The following CDCP1 variants were observed in gnomAD, a reference collection of about 807,000 sequenced individuals.
CDCP1 encodes CUB domain-containing protein 1.
Under a neutral mutation model 60.2 loss-of-function variants are expected in CDCP1, and 29 were observed. The ratio of observed to expected loss-of-function variants is 0.48; its 90% confidence interval spans 0.36 to 0.66. The LOEUF (loss-of-function observed/expected upper bound fraction) is 0.66. Ranked by LOEUF, CDCP1 falls within the 30% of genes least tolerant of loss-of-function variation. The pLI, the probability that CDCP1 is intolerant of heterozygous loss-of-function variation, is 0.00. For synonymous variants in CDCP1, 387 were observed against 431.1 expected (o/e 0.90, Z 1.27); for missense variants, 876 against 1,074.3 (o/e 0.82, Z 2.58).
At chr3:45,146,056 C>G (rs1163778949) in intron 1 of CDCP1, 150 bp downstream of exon 1, 2 of 682,232 alleles carry the variant, frequency 2.9e-6, no homozygotes, top group Admixed American at 7.5e-5. Flanking sequence ...CCCGGAGCCA[C>G]CCGCGCATTT....
At chr3:45,118,701 C>G (rs1411474874) in intron 1 of CDCP1, 80 bp from the exon 2 acceptor site, 1 of 1,115,594 alleles carries the variant, frequency 9.0e-7, no homozygotes, top group African/African-American at 1.5e-5. Flanking sequence ...CAATCTGGTT[C>G]AGAGAGGATG....
intron 1 of CDCP1, among the ~76,000 whole-genome samples, chr3:45,128,605 T>C (rs1699039083): frequency 6.6e-6 from 1 of 152,244 alleles, no homozygotes; most frequent in African/African-American, 2.4e-5. Flanking sequence ...ATCCAACTTG[T>C]TGGAACAGTT....
At chr3:45,102,112 C>A (rs1322382188) in intron 4 of CDCP1, among the ~76,000 whole-genome samples, 1 of 151,878 alleles carries the variant, frequency 6.6e-6, no homozygotes, top group Non-Finnish European at 1.5e-5. Context: ...TGCTCTATTA[C>A]CCAGGCTGGA....
intron 5 of CDCP1, among the ~76,000 whole-genome samples, chr3:45,095,089 A>G (rs1194450124): frequency 6.6e-6 from 1 of 152,076 alleles, no homozygotes; most frequent in Non-Finnish European, 1.5e-5. Flanking sequence ...GCCTGCCACC[A>G]TGCCCAGCTA....
chr3:45,126,152 T>TTCTTTC (rs1698988202), intron 1 of CDCP1, among the ~76,000 whole-genome samples: 2 of 143,852 alleles, frequency 1.4e-5, no homozygotes, highest in Non-Finnish European at 3.0e-5. Flanking sequence ...CTTTCTTTCT[T>TTCTTTC]TCTTTCTTTC....
rs974366199 is a variant in CDCP1 at position 45,091,649 on chromosome 3, C to T, written c.1628-111G>A. 3.6e-5 allele frequency: 48 copies of T among 1,320,058 alleles called. 1 individual carries two copies. The highest frequency in any genetic ancestry group is 2.3e-4 in the Middle Eastern group (1 of 4,388). The allele number at this position is 1,320,058 out of a possible 1,614,324, so 81.8% of individuals were successfully genotyped here. A position where few individuals can be genotyped will look rare whatever the true frequency, so the allele number is the denominator to read the frequency against. On this transcript the variant is annotated intron_variant, in intron 6 of 8. Coordinates refer to ENST00000296129, the MANE Select transcript of CDCP1 (RefSeq NM_022842.5). This position sits in a 1 kb window ranked among gnomAD's most constrained non-coding sequence, Gnocchi z 4.8. ...ACTGTCCAGACCAGCGCTGTCTAAC[C>T]GAACTTTCTGCGATGATGGAAATCT...
At position 45,108,647 on chromosome 3, in the gene CDCP1, T is replaced by C. The variant is rs566306802; in HGVS notation, c.1024+1826A>G. ...TTGTACAGTTGTGACAGTGGAATCA[T>C]AAAAATGTCTCAATGGATACACACA... On this transcript the variant is annotated intron_variant, in intron 4 of 8. Coordinates refer to ENST00000296129, the MANE Select transcript of CDCP1 (RefSeq NM_022842.5). Among the ~76,000 whole-genome samples, 381 of 145,484 alleles carry C rather than the reference T, an allele frequency of 2.6e-3. 1 individual carries two copies. Among genetic ancestry groups the C allele is most frequent in the East Asian group, 0.011 (52 of 4,946 alleles).
intron 4 of CDCP1, among the ~76,000 whole-genome samples, chr3:45,096,107 C>T (rs992758793): frequency 1.3e-5 from 2 of 152,222 alleles, no homozygotes; most frequent in African/African-American, 4.8e-5. Context: ...GAAACAGGCC[C>T]TTTGGCACAC....
In CDCP1 at chr3:45,093,262, G is replaced by A. The variant is rs116045603; in HGVS notation, c.1627+15C>T. The A allele has an allele frequency of 3.7e-3, 5,942 of 1,608,420 alleles. 194 individuals carry two copies. The African/African-American group carries it at 0.069, about 19-fold the overall frequency. ...TAAACTAAAGGGGCATGGAGATAGGGGAGACCCCCCTTACCTTTGAAATAA... is the reference window on the plus strand; with the variant it reads ...TAAACTAAAGGGGCATGGAGATAGGAGAGACCCCCCTTACCTTTGAAATAA... On this transcript the variant is annotated intron_variant, in intron 6 of 8. Transcript: ENST00000296129.
intron 4 of CDCP1, among the ~76,000 whole-genome samples, chr3:45,108,953 A>ATATT (rs1401302861): frequency 2.4e-5 from 1 of 41,134 alleles, no homozygotes; most frequent in African/African-American, 9.7e-5. Context: ...ATATATATAT[A>ATATT]TTTTTTTTTT....
chr3:45,112,008 G>T lies in CDCP1; in HGVS notation c.655+75C>A. 2.6e-6 allele frequency: 4 copies of T among 1,523,720 alleles called. No homozygotes were observed. The South Asian group carries it at 5.0e-5, about 19-fold the overall frequency. The allele number at this position is 1,523,720 out of a possible 1,614,324, so 94.4% of individuals were successfully genotyped here. ...GAGTATTAGAGATTTGCTGACATTT[G>T]ACCATTTCTGACCTAGAACAATGAT... On this transcript the variant is annotated intron_variant, in intron 3 of 8. Transcript: ENST00000296129.
chr3:45,096,797 A>G (rs1698406807), intron 4 of CDCP1, among the ~76,000 whole-genome samples: 1 of 152,122 alleles, frequency 6.6e-6, no homozygotes, highest in South Asian at 2.1e-4. Context: ...AGATGAAGAG[A>G]AAAAAGATCT....
intron 3 of CDCP1, among the ~76,000 whole-genome samples, chr3:45,111,469 A>G (rs1481626450): frequency 6.6e-6 from 1 of 152,164 alleles, no homozygotes; most frequent in Non-Finnish European, 1.5e-5. Context: ...TCAGGTCAGG[A>G]GTTCGAGACC....
intron 1 of CDCP1, among the ~76,000 whole-genome samples, chr3:45,126,047 G>A (rs529758173): frequency 6.6e-6 from 1 of 152,298 alleles, no homozygotes; most frequent in East Asian, 1.9e-4. Context: ...CATAGAAGCT[G>A]CCAAGGCTGG....
At chr3:45,100,016 C>A (rs1192645991) in intron 4 of CDCP1, among the ~76,000 whole-genome samples, 2 of 152,096 alleles carry the variant, frequency 1.3e-5, no homozygotes, top group East Asian at 3.8e-4. Flanking sequence ...GTCTGGGGAT[C>A]TATATACTGC....
chr3:45,117,225 G>A (rs966405354), intron 2 of CDCP1, among the ~76,000 whole-genome samples: 16 of 151,966 alleles, frequency 1.1e-4, no homozygotes, highest in African/African-American at 3.4e-4. Flanking sequence ...TAAAATGATT[G>A]AGAAATTATA....
At position 45,083,169 on chromosome 3, in the gene CDCP1, A is replaced by C. The variant is rs1309122334; in HGVS notation, c.*2469T>G. ...TGGAGGGCTAGGGCTCCACACAGTG[A>C]ATTCAAATAAGGGCTCTTCAGTGAG... On this transcript the variant is annotated 3_prime_UTR_variant, in exon 9 of 9. Transcript: ENST00000296129. 1 of 152,212 alleles carries C rather than the reference A, an allele frequency of 6.6e-6. No homozygotes were observed. The highest frequency in any genetic ancestry group is 2.4e-5 in the African/African-American group (1 of 41,450). The allele number at this position is 152,212 out of a possible 1,614,324, so 9.4% of individuals were successfully genotyped here.
chr3:45,110,463 G>A lies in CDCP1; in HGVS notation c.1024+10C>T, dbSNP rs576568415. The A allele has an allele frequency of 1.2e-6, 2 of 1,612,888 alleles. No individual in the cohort carries two copies. The highest frequency in any genetic ancestry group is 1.1e-5 in the South Asian group (1 of 91,036). ...GAGGAGGAAGAAAAAGGAAAGTGGG[G>A]CTCACTCACTGCTTTCATTTTGTGG... On this transcript the variant is annotated intron_variant, in intron 4 of 8. Transcript: ENST00000296129.
chr3:45,119,409 C>T (rs1698845407), intron 1 of CDCP1, among the ~76,000 whole-genome samples: 2 of 152,138 alleles, frequency 1.3e-5, no homozygotes, highest in African/African-American at 4.8e-5. Flanking sequence ...CCACTTTCTC[C>T]TTAGCTGACA....
Sources: gnomAD v4.1 joint callset for allele counts (sites outside exome capture counted in the v4.1 genomes callset) on GRCh38, gnomAD v4.1.1 for gene constraint, Gnocchi (gnomAD v3.1) non-coding constraint, MANE v1.5 for transcripts, NCBI Gene and HGNC (gene_info 2026-07-23, HGNC 2026-07-21) for gene names.